The following C3orf52 variants were observed in gnomAD, a reference collection of about 807,000 sequenced individuals.
C3orf52 encodes the protein chromosome 3 open reading frame 52, also known as TPA-induced transmembrane protein.
A neutral mutation model predicts 24.8 loss-of-function variants in C3orf52; 22 were observed. The ratio of observed to expected loss-of-function variants is 0.89; its 90% CI spans 0.63 to 1.27. The LOEUF is 1.27. C3orf52 is among the 50% of genes most tolerant of loss of function. C3orf52 has a pLI of 0.00. For synonymous variants in C3orf52, 93 were observed against 100.2 expected, an observed-to-expected ratio of 0.93 and a Z score of 0.43; for missense variants, 265 against 260.7, an observed-to-expected ratio of 1.02 and a Z score of -0.11.
intron 5 of C3orf52, among the ~76,000 whole-genome samples, chr3:112,115,122 A>T (rs774838323): frequency 6.6e-6 from 1 of 152,190 alleles, no homozygotes; most frequent in African/African-American, 2.4e-5. Context: ...TGCTGAGAAA[A>T]TGTGGGGTTT....
intron 2 of C3orf52, among the ~76,000 whole-genome samples, chr3:112,095,433 T>A (rs1208914348): frequency 1.3e-5 from 2 of 152,096 alleles, no homozygotes; most frequent in Non-Finnish European, 2.9e-5. Context: ...ATCTAGATGG[T>A]TTAATATTCA....
chr3:112,112,414 C>T (rs1316528965), intron 4 of C3orf52: 2 of 155,888 alleles, frequency 1.3e-5, no homozygotes, highest in African/African-American at 4.8e-5. Flanking sequence ...TGCTGATACA[C>T]AGGGTGGTCT....
At chr3:112,108,688 G>A (rs1285218366) in intron 3 of C3orf52, among the ~76,000 whole-genome samples, 1 of 152,182 alleles carries the variant, frequency 6.6e-6, no homozygotes, top group Admixed American at 6.5e-5. Flanking sequence ...AATCTTAAAT[G>A]TAATTTTGAG....
downstream of C3orf52, chr3:112,121,244 A>T (rs1165046397): frequency 3.3e-5 from 5 of 152,208 alleles, no homozygotes; most frequent in Non-Finnish European, 5.9e-5. Context: ...CTACTTCCAC[A>T]ATGGTCCAGT....
rs747403614 is a variant in C3orf52 at position 112,086,564 on chromosome 3, T to G, written c.138+19T>G. On this transcript the variant is annotated intron_variant, in intron 1 of 5. Coordinates refer to ENST00000264848, the MANE Select transcript of C3orf52 (RefSeq NM_024616.3). ...GGCCGAGGTAAGGTCCCCTTGGCGC[T>G]GGCCCTAACTTGCCGGCGGCGGGAC... 12 of 1,539,346 alleles carry G rather than the reference T, an allele frequency of 7.8e-6. No individual in the cohort carries two copies. In the East Asian group the frequency reaches 3.0e-4, roughly 38 times the overall value.
At chr3:112,099,397 A>G (rs181513083) in intron 2 of C3orf52, among the ~76,000 whole-genome samples, 2 of 152,266 alleles carry the variant, frequency 1.3e-5, no homozygotes, top group East Asian at 3.9e-4. Flanking sequence ...CTCACCCTTT[A>G]TATAAGACCA....
chr3:112,119,069 A>G (rs2074165091), downstream of C3orf52, among the ~76,000 whole-genome samples: 1 of 151,614 alleles, frequency 6.6e-6, no homozygotes. Context: ...GAAACAGCAG[A>G]AAAAAATACC....
intron 3 of C3orf52, 69 bp downstream of exon 3, chr3:112,103,034 G>A (rs2073988961): frequency 6.8e-7 from 1 of 1,474,206 alleles, no homozygotes; most frequent in Admixed American, 1.8e-5. Flanking sequence ...AGAATAATTG[G>A]CATAGAGCTA....
chr3:112,092,992 T>C (rs536179103), intron 1 of C3orf52, among the ~76,000 whole-genome samples: 1 of 152,306 alleles, frequency 6.6e-6, no homozygotes, highest in Non-Finnish European at 1.5e-5. Flanking sequence ...TCACTCTCTC[T>C]AATCTTAACT....
chr3:112,133,073 A>G (rs774493004), downstream of C3orf52: 7 of 1,612,572 alleles, frequency 4.3e-6, no homozygotes, highest in Non-Finnish European at 5.9e-6. Flanking sequence ...CTGCTCTCCC[A>G]CAGGGAGTCT....
chr3:112,094,770 T>A (rs1251857714), intron 2 of C3orf52, among the ~76,000 whole-genome samples: 1 of 152,188 alleles, frequency 6.6e-6, no homozygotes. Context: ...CAATTCAAAA[T>A]GGGAAAGAAG....
intron 4 of C3orf52, among the ~76,000 whole-genome samples, chr3:112,112,638 A>T (rs2074094506): frequency 6.6e-6 from 1 of 152,200 alleles, no homozygotes; most frequent in African/African-American, 2.4e-5. Context: ...GGGTTGGGAC[A>T]GATGGTGGGT....
At chr3:112,092,930 C>A (rs553715809) in intron 1 of C3orf52, among the ~76,000 whole-genome samples, 63 of 152,268 alleles carry the variant, frequency 4.1e-4, no homozygotes, top group African/African-American at 1.5e-3. Context: ...CCAATTAAGT[C>A]CAATCTATTC....
chr3:112,104,711 T>C (rs142353734), intron 3 of C3orf52, among the ~76,000 whole-genome samples: 1 of 152,278 alleles, frequency 6.6e-6, no homozygotes, highest in Non-Finnish European at 1.5e-5. Context: ...TCTTTGGTGG[T>C]GATTTCTGAG....
At chr3:112,124,468 G>C (rs2074265516) in intron 4 of C3orf52, among the ~76,000 whole-genome samples, 1 of 152,112 alleles carries the variant, frequency 6.6e-6, no homozygotes. Flanking sequence ...AATTAGCCAG[G>C]TGTGATGGCA....
At chr3:112,087,465 A>T (rs2073840429) in intron 1 of C3orf52, among the ~76,000 whole-genome samples, 1 of 150,842 alleles carries the variant, frequency 6.6e-6, no homozygotes, top group South Asian at 2.1e-4. Flanking sequence ...GGTGCACAGA[A>T]CTCCCCATAT....
At chr3:112,128,210 G>A (rs2074374105) in intron 4 of C3orf52, 1 of 724,328 alleles carries the variant, frequency 1.4e-6, no homozygotes, top group East Asian at 2.7e-5. Flanking sequence ...ATCTCTCATG[G>A]TAGAATGCCT....
chr3:112,125,292 TG>T, intron 4 of C3orf52: 1 of 1,458,824 alleles, frequency 6.9e-7, no homozygotes, highest in Non-Finnish European at 9.6e-7. Context: ...TTTCAGGTTA[TG>T]GGGAGATTTG....
intron 1 of C3orf52, among the ~76,000 whole-genome samples, chr3:112,092,774 TCCCAA>T (rs1030108935): frequency 1.3e-5 from 2 of 152,202 alleles, no homozygotes; most frequent in African/African-American, 4.8e-5. Flanking sequence ...TCATTTCCCT[TCCCAA>T]CCCTTTTTTA....
Sources: allele counts gnomAD v4.1 joint callset (sites outside exome capture counted in the v4.1 genomes callset), GRCh38; gene constraint gnomAD v4.1.1; transcripts MANE v1.5; gene names NCBI Gene and HGNC (gene_info 2026-07-23, HGNC 2026-07-21).